GLIS1: variants seen among roughly 807,000 people sequenced by gnomAD.
GLIS1 encodes GLIS family zinc finger 1.
GLIS1 carries 24 observed loss-of-function variants against 63.8 expected under a neutral mutation model. The ratio of observed to expected loss-of-function variants is 0.38; its 90% CI spans 0.27 to 0.53. The LOEUF (loss-of-function observed/expected upper bound fraction) is 0.53. Among genes scored for constraint, GLIS1 ranks in the 20% least tolerant of loss-of-function variants. The pLI, the probability that GLIS1 is intolerant of heterozygous loss-of-function variation, is 0.85. For missense variants in GLIS1, 1,036 were observed against 1,074.1 expected, an observed-to-expected ratio of 0.96 and a Z score of 0.50; for synonymous variants, 450 against 482.5, an observed-to-expected ratio of 0.93 and a Z score of 0.88.
At chr1:53,588,975 G>A (rs1331229744) in intron 4 of GLIS1, among the ~76,000 whole-genome samples, 2 of 152,200 alleles carry the variant, frequency 1.3e-5, no homozygotes, top group African/African-American at 4.8e-5. Flanking sequence ...CATGGGATAT[G>A]AGCCCAGAAC....
intron 4 of GLIS1, among the ~76,000 whole-genome samples, chr1:53,559,207 T>C (rs1644861353): frequency 1.3e-5 from 2 of 152,164 alleles, no homozygotes; most frequent in African/African-American, 4.8e-5. Flanking sequence ...GACTTTGGCT[T>C]CTCTGGGGAC....
intron 4 of GLIS1, among the ~76,000 whole-genome samples, chr1:53,579,308 TTCTC>T (rs1466634638): frequency 1.3e-5 from 2 of 152,206 alleles, no homozygotes; most frequent in African/African-American, 2.4e-5. Context: ...TACTCCATGC[TTCTC>T]TCTCTGACAC....
chr1:53,564,407 C>A (rs1388649055), intron 4 of GLIS1, among the ~76,000 whole-genome samples: 1 of 151,850 alleles, frequency 6.6e-6, no homozygotes, highest in Non-Finnish European at 1.5e-5. Flanking sequence ...TAAGCCAAAA[C>A]ATGGAAGCAA....
Position 53,509,855 on chromosome 1 carries a change from G to A in GLIS1, c.2056C>T (p.Pro686Ser). 1 of 1,306,138 alleles carries A rather than the reference G, an allele frequency of 7.7e-7. No homozygotes were observed. Among genetic ancestry groups the A allele is most frequent in the Non-Finnish European group, 9.8e-7 (1 of 1,018,808 alleles). The allele number at this position is 1,306,138 out of a possible 1,614,324, so 80.9% of individuals were successfully genotyped here. A position where few individuals can be genotyped will look rare whatever the true frequency, so the allele number is the denominator to read the frequency against. The change falls in exon 9 of 11, where the codon CCA (proline) becomes TCA (serine). Residue 686 changes from proline to serine, a missense_variant. Transcript: ENST00000628545. The stretch of plus-strand genomic sequence containing the variant: ...GCCCCTGGCCAGAGCTTACCTTGTG[G>A]GCTGGGCAGAGGCGGGGGTGGAGGG... ...QSPPPPPLPS[P>S]QGYQGSFHSI...
chr1:53,594,225 G>C lies in GLIS1; in HGVS notation c.1203C>G (p.Gly401=). ...IEKSHIDQRK[G]EDFTCFWAGC... ...CAGCCCAGAAGCAGGTGAAGTCCTC[G>C]CCCTTGCGCTGGTCGATGTGGCTCT... The change falls in exon 4 of 11, where the codon GGC becomes GGG. Residue 401 remains glycine, a synonymous_variant. Transcript: ENST00000628545. The C allele has an allele frequency of 1.9e-6, 3 of 1,613,896 alleles. No individual in the cohort carries two copies. Among genetic ancestry groups the C allele is most frequent in the Non-Finnish European group, 2.5e-6 (3 of 1,179,976 alleles).
chr1:53,601,612 A>C (rs1369373093), intron 2 of GLIS1, among the ~76,000 whole-genome samples: 1 of 152,148 alleles, frequency 6.6e-6, no homozygotes, highest in Non-Finnish European at 1.5e-5. Flanking sequence ...GGGAGGCCTG[A>C]GTCTCACTAT....
chr1:53,592,881 C>G (rs1036287378), intron 4 of GLIS1, among the ~76,000 whole-genome samples: 2 of 152,270 alleles, frequency 1.3e-5, no homozygotes, highest in Non-Finnish European at 2.9e-5. Flanking sequence ...TCCTGTCCGA[C>G]GCCCAGCTCC....
chr1:53,636,159 T>G (rs1645719807), intron 2 of GLIS1, among the ~76,000 whole-genome samples: 1 of 152,198 alleles, frequency 6.6e-6, no homozygotes, highest in South Asian at 2.1e-4. Flanking sequence ...AATTACAAGT[T>G]AATTTCATTC....
chr1:53,686,685 G>A (rs1646340231), intron 2 of GLIS1, among the ~76,000 whole-genome samples: 1 of 152,186 alleles, frequency 6.6e-6, no homozygotes, highest in Non-Finnish European at 1.5e-5. Flanking sequence ...GAGTCCAAGA[G>A]GGAGCATCTG....
At position 53,712,341 on chromosome 1, in the gene GLIS1, A is replaced by G. The variant is rs375017585; in HGVS notation, c.259+25465T>C. Among the ~76,000 whole-genome samples the G allele has an allele frequency of 7.9e-5, 12 of 152,340 alleles. No homozygotes were observed. The South Asian group carries it at 2.5e-3, about 32-fold the overall frequency. ...TCTAAGAAGCTCCCAGGCCATGCCA[A>G]TGCTGCTGGTCCAGAAACCACACAC... On this transcript the variant is annotated intron_variant, in intron 2 of 10. Coordinates refer to ENST00000628545, the MANE Select transcript of GLIS1 (RefSeq NM_001367484.1).
chr1:53,722,617 T>C (rs1055229337), intron 2 of GLIS1, among the ~76,000 whole-genome samples: 31 of 151,424 alleles, frequency 2.0e-4, no homozygotes, highest in Non-Finnish European at 1.5e-4. Flanking sequence ...GAGGTGGGAG[T>C]ATTGCTTGAA....
chr1:53,709,925 G>A (rs1646628816), intron 2 of GLIS1, among the ~76,000 whole-genome samples: 2 of 152,164 alleles, frequency 1.3e-5, no homozygotes, highest in South Asian at 4.1e-4. Flanking sequence ...CAGGTACAAA[G>A]GGACATGGGA....
At chr1:53,670,547 G>A (rs1646140563) in intron 2 of GLIS1, among the ~76,000 whole-genome samples, 1 of 152,216 alleles carries the variant, frequency 6.6e-6, no homozygotes, top group Non-Finnish European at 1.5e-5. Flanking sequence ...TTCTCTAAGA[G>A]GAAGACACCT....
intron 2 of GLIS1, among the ~76,000 whole-genome samples, chr1:53,727,562 C>T (rs1230079088): frequency 6.6e-6 from 1 of 152,242 alleles, no homozygotes; most frequent in South Asian, 2.1e-4. Flanking sequence ...GGAGGATAAA[C>T]ATGTGACAAA....
intron 2 of GLIS1, among the ~76,000 whole-genome samples, chr1:53,628,440 A>T (rs1034008516): frequency 2.0e-5 from 3 of 152,280 alleles, no homozygotes; most frequent in Admixed American, 2.0e-4. Flanking sequence ...GGCTCACTCG[A>T]CACGCTTTTG....
intron 4 of GLIS1, among the ~76,000 whole-genome samples, chr1:53,584,061 T>A (rs1164785259): frequency 6.6e-6 from 1 of 152,166 alleles, no homozygotes; most frequent in African/African-American, 2.4e-5. Context: ...CCGGTGGATC[T>A]GTGGAAGAAG....
chr1:53,735,715 T>C (rs1443142941), intron 2 of GLIS1, among the ~76,000 whole-genome samples: 1 of 152,164 alleles, frequency 6.6e-6, no homozygotes, highest in African/African-American at 2.4e-5. Context: ...GCCTGAGAAC[T>C]TGGAGCTAGA....
intron 2 of GLIS1, among the ~76,000 whole-genome samples, chr1:53,721,723 A>G (rs1305669185): frequency 3.3e-5 from 5 of 152,246 alleles, no homozygotes; most frequent in African/African-American, 1.2e-4. Flanking sequence ...TAGAATGTTA[A>G]TAAAACAAGC....
chr1:53,618,697 A>T (rs1471101824), intron 2 of GLIS1, among the ~76,000 whole-genome samples: 2 of 152,164 alleles, frequency 1.3e-5, no homozygotes, highest in Non-Finnish European at 2.9e-5. Context: ...AGGGCAGCCC[A>T]CTCACAGATA....
Sources: allele counts gnomAD v4.1 joint callset (sites outside exome capture counted in the v4.1 genomes callset), GRCh38; gene constraint gnomAD v4.1.1; transcripts MANE v1.5; gene names NCBI Gene and HGNC (gene_info 2026-07-23, HGNC 2026-07-21).